The following NIP7 variants were observed in gnomAD, a reference collection of about 807,000 sequenced individuals.
NIP7 encodes the protein nucleolar pre-rRNA processing protein NIP7, also known as 60S ribosome subunit biogenesis protein NIP7 homolog.
A neutral mutation model predicts 20.1 loss-of-function variants in NIP7; 12 were observed. The ratio of observed to expected loss-of-function variants is 0.60; its 90% confidence interval spans 0.38 to 0.97. The LOEUF is 0.97. NIP7 is among the 50% of genes least tolerant of loss of function. The pLI, the probability that NIP7 is intolerant of heterozygous loss-of-function variation, is 0.00. For missense variants in NIP7, 226 were observed against 226.6 expected, an observed-to-expected ratio of 1.00 and a Z score of 0.02; for synonymous variants, 103 against 87.2, an observed-to-expected ratio of 1.18 and a Z score of -1.01.
intron 2 of NIP7, 35 bp downstream of exon 2, chr16:69,340,127 G>A (rs755882204): frequency 6.2e-7 from 1 of 1,613,436 alleles, no homozygotes; most frequent in East Asian, 2.2e-5. Flanking sequence ...ATGGACCCAG[G>A]GGAGAGGGGT....
In NIP7 at chr16:69,341,530, C is replaced by T. The variant is rs745919863; in HGVS notation, c.424-3C>T. ...AGTTAGTGTCTCTTCTTTTGAATCC[C>T]AGGGTTTTGGGGTGGCAGCCAAATC... On this transcript the variant is annotated splice_polypyrimidine_tract_variant and splice_region_variant and intron_variant, in intron 4 of 4. Transcript: ENST00000254940. 6.2e-7 allele frequency: 1 copy of T among 1,612,190 alleles called. No individual in the cohort carries two copies. The highest frequency in any genetic ancestry group is 1.3e-5 in the African/African-American group (1 of 74,162).
intron 3 of NIP7, chr16:69,340,942 G>T (rs916526257): frequency 2.0e-5 from 8 of 390,668 alleles, no homozygotes; most frequent in Non-Finnish European, 3.3e-5. Flanking sequence ...CGAACTCCTG[G>T]CCTCAAGTGA....
At chr16:69,339,982 C>A in intron 1 of NIP7, 24 bp from the exon 2 acceptor site, 1 of 1,613,532 alleles carries the variant, frequency 6.2e-7, no homozygotes, top group South Asian at 1.1e-5. Context: ...CGGGCGCGGT[C>A]TCCAGTCCTC....
At position 69,341,674 on chromosome 16, in the gene NIP7, G is replaced by A. The variant is rs746752621; in HGVS notation, c.*22G>A. 2 of 1,613,342 alleles carry A rather than the reference G, an allele frequency of 1.2e-6. No homozygotes were observed. The highest frequency in any genetic ancestry group is 1.7e-6 in the Non-Finnish European group (2 of 1,179,524). On this transcript the variant is annotated 3_prime_UTR_variant, in exon 5 of 5. Transcript: ENST00000254940. ...TTAAAACGAAGCCATTCCAAGGACAGACGGCTGTATGGAAAGGCCGAGCTT... is the reference window on the plus strand; with the variant it reads ...TTAAAACGAAGCCATTCCAAGGACAAACGGCTGTATGGAAAGGCCGAGCTT...
At chr16:69,340,702 T>C in intron 3 of NIP7, 1 of 237,272 alleles carries the variant, frequency 4.2e-6, no homozygotes, top group Non-Finnish European at 8.2e-6. Context: ...TTTTCTTTCT[T>C]GCTCTGTTTT....
rs933328256 is a variant in NIP7, at chr16:69,341,792, C to T, written c.*140C>T. 2 of 972,912 alleles carry T rather than the reference C, an allele frequency of 2.1e-6. No homozygotes were observed. The highest frequency in any genetic ancestry group is 3.3e-5 in the African/African-American group (2 of 61,230). 60.3% of individuals were successfully genotyped at this position (972,912 alleles called of 1,614,324 possible). A position where few individuals can be genotyped will look rare whatever the true frequency, so the allele number is the denominator to read the frequency against. On this transcript the variant is annotated 3_prime_UTR_variant, in exon 5 of 5. Coordinates refer to ENST00000254940, the MANE Select transcript of NIP7 (RefSeq NM_016101.5). ...ACTTCTTATTTACTGTACTCTCTAT[C>T]ACTGACAAATGCAGGCTGGATTCTT...
chr16:69,340,147 C>T, intron 2 of NIP7, 47 bp from the exon 3 acceptor site: 6 of 1,613,338 alleles, frequency 3.7e-6, no homozygotes, highest in Non-Finnish European at 5.1e-6. Flanking sequence ...TCCTGGGTCC[C>T]ACGAGCCTCC....
chr16:69,340,368 T>C (rs781763444), intron 3 of NIP7, 36 bp downstream of exon 3: 4 of 1,601,854 alleles, frequency 2.5e-6, no homozygotes, highest in Non-Finnish European at 3.4e-6. Context: ...CCACGGGCGA[T>C]GAAGTCAAGG....
chr16:69,340,237 C>G lies in NIP7; in HGVS notation c.187C>G (p.Leu63Val), dbSNP rs1450382685. ...KLAANISGDKLVSLGTCFGKF... is the reference protein window; with the variant it reads ...KLAANISGDKVVSLGTCFGKF... ...GGCCGCCAATATTTCCGGGGACAAG[C>G]TGGTGTCGCTGGGGACCTGCTTTGG... Residue 63 changes from leucine to valine, a missense_variant, in exon 3 of 5, where the codon CTG becomes GTG. Physicochemically the swap from Leu to Val is conservative, Grantham distance 32. Transcript: ENST00000254940. The G allele has an allele frequency of 6.2e-7, 1 of 1,614,178 alleles. No individual in the cohort carries two copies. The highest frequency in any genetic ancestry group is 8.5e-7 in the Non-Finnish European group (1 of 1,180,034).
At chr16:69,341,503 T>A (rs765704225) in intron 4 of NIP7, 30 bp from the exon 5 acceptor site, 2 of 1,611,974 alleles carry the variant, frequency 1.2e-6, no homozygotes, top group African/African-American at 2.7e-5. Context: ...ATGACTTCAG[T>A]GAGTTAGTGT....
chr16:69,340,477 G>C, intron 3 of NIP7, 145 bp downstream of exon 3: 1 of 1,038,726 alleles, frequency 9.6e-7, no homozygotes, highest in Non-Finnish European at 1.4e-6. Context: ...CTTGCAGCTT[G>C]AGCATGGTCA....
chr16:69,340,621 AAG>A, intron 3 of NIP7: 1 of 428,226 alleles, frequency 2.3e-6, no homozygotes, highest in East Asian at 3.8e-5. Context: ...GGTCCAGAAA[AAG>A]AGCTGTTAAC....
intron 4 of NIP7, 94 bp downstream of exon 4, chr16:69,341,414 C>T: frequency 6.4e-7 from 1 of 1,567,556 alleles, no homozygotes; most frequent in Non-Finnish European, 8.7e-7. Context: ...AAATTCTCAG[C>T]ACGTTTTGAA....
Position 69,341,218 on chromosome 16 carries a change from C to CCTGTATGGGAA in NIP7, c.323_333dup (p.His112CysfsTer7). On this transcript the variant is annotated frameshift_variant, in exon 4 of 5. Transcript: ENST00000254940. LOFTEE classifies it high-confidence loss of function. ...TAAAGCCTGGTGCAGAGCAGTCCTT[C>CCTGTATGGGAA]CTGTATGGGAACCATGTGTTGAAAT... 1.2e-6 allele frequency: 2 copies of CCTGTATGGGAA among 1,614,074 alleles called. No homozygotes were observed. The highest frequency in any genetic ancestry group is 1.7e-6 in the Non-Finnish European group (2 of 1,179,934).
rs1411263783 is a variant in NIP7, at chr16:69,342,664, TTTATA to T, written c.*1019_*1023del. On this transcript the variant is annotated 3_prime_UTR_variant, in exon 5 of 5. Coordinates refer to ENST00000254940, the MANE Select transcript of NIP7 (RefSeq NM_016101.5). The stretch of plus-strand genomic sequence containing the variant: ...AGGTATGGAATAAATGGTAATTATT[TTTATA>T]TTATATATATTATGTATTCCTGTTA... 1 of 152,098 alleles carries T rather than the reference TTTATA, an allele frequency of 6.6e-6. No individual in the cohort carries two copies. Among genetic ancestry groups the T allele is most frequent in the Admixed American group, 6.6e-5 (1 of 15,264 alleles). The allele number at this position is 152,098 out of a possible 1,614,324, so 9.4% of individuals were successfully genotyped here. A position where few individuals can be genotyped will look rare whatever the true frequency, so the allele number is the denominator to read the frequency against.
chr16:69,340,408 CCA>C (rs1270345199), intron 3 of NIP7, 76 bp downstream of exon 3: 3 of 1,545,994 alleles, frequency 1.9e-6, no homozygotes, highest in East Asian at 2.2e-5. Flanking sequence ...AGCTTCTCTC[CCA>C]CAGAGTCCCT....
chr16:69,341,062 T>G, intron 3 of NIP7, 118 bp from the exon 4 acceptor site: 1 of 845,022 alleles, frequency 1.2e-6, no homozygotes, highest in Non-Finnish European at 1.8e-6. Context: ...AAAACATGAG[T>G]CTCTCTGTTT....
intron 3 of NIP7, 165 bp from the exon 4 acceptor site, chr16:69,341,015 T>C: frequency 1.6e-6 from 1 of 639,454 alleles, no homozygotes; most frequent in South Asian, 2.0e-5. Flanking sequence ...ACCGGGCAAC[T>C]TCCTGCATTT....
rs2012602309 is a variant in NIP7 at position 69,342,961 on chromosome 16, C to A, written c.*1309C>A. Reference sequence around the variant, plus strand: ...TTACTTTAAGATCCTTAGAATATTTCTTTAAATATTTTATAGACAAAAAAT... The same window carrying A: ...TTACTTTAAGATCCTTAGAATATTTATTTAAATATTTTATAGACAAAAAAT... On this transcript the variant is annotated 3_prime_UTR_variant, in exon 5 of 5. Coordinates refer to ENST00000254940, the MANE Select transcript of NIP7 (RefSeq NM_016101.5). 1 of 154,034 alleles carries A rather than the reference C, an allele frequency of 6.5e-6. No homozygotes were observed. Among genetic ancestry groups the A allele is most frequent in the South Asian group, 2.0e-4 (1 of 4,960 alleles). The allele number at this position is 154,034 out of a possible 1,614,324, so 9.5% of individuals were successfully genotyped here.
Sources: allele counts gnomAD v4.1 joint callset, GRCh38; gene constraint gnomAD v4.1.1; transcripts MANE v1.5; gene names NCBI Gene and HGNC (gene_info 2026-07-23, HGNC 2026-07-21).